Variants in NOX4 observed in about 807,000 individuals in gnomAD.
NOX4 encodes NADPH oxidase 4.
Under a neutral mutation model 87.6 loss-of-function variants are expected in NOX4, and 69 were observed. That is an observed-to-expected ratio of 0.79 (90% CI 0.65 to 0.96). The LOEUF (loss-of-function observed/expected upper bound fraction) is 0.96, where lower values mean the gene tolerates loss of function less well. Ranked by LOEUF, NOX4 falls within the 40% of genes least tolerant of loss-of-function variation. NOX4 has a pLI of 0.00. For missense variants in NOX4, 680 were observed against 681.5 expected (o/e 1.00, Z 0.02); for synonymous variants, 275 against 238.2 (o/e 1.15, Z -1.42).
intron 13 of NOX4, among the ~76,000 whole-genome samples, chr11:89,347,350 C>T (rs540953044): frequency 6.6e-6 from 1 of 152,300 alleles, no homozygotes; most frequent in Admixed American, 6.5e-5. Context: ...AGCCTTTCCC[C>T]CTGCCCTGAG....
In NOX4 at chr11:89,451,895, G is replaced by A. The variant is rs764130443; in HGVS notation, c.154C>T (p.Leu52=). The A allele has an allele frequency of 1.2e-6, 2 of 1,607,208 alleles. No individual in the cohort carries two copies. The highest frequency in any genetic ancestry group is 1.7e-6 in the Non-Finnish European group (2 of 1,174,088). The change falls in exon 3 of 18, where the codon CTA becomes TTA. Residue 52 remains leucine, a splice_region_variant and synonymous_variant. Coordinates refer to ENST00000263317, the MANE Select transcript of NOX4 (RefSeq NM_016931.5). ...GAGGCTCTGCTTAGACACAATCCTAGCTGAACAAATAAGGCAAGGTCAGCA... is the reference window on the plus strand; with the variant it reads ...GAGGCTCTGCTTAGACACAATCCTAACTGAACAAATAAGGCAAGGTCAGCA... ...EYHYLHQMLG[L]GLCLSRASAS...
chr11:89,336,825 A>G (rs552941289), intron 16 of NOX4, among the ~76,000 whole-genome samples: 2 of 152,060 alleles, frequency 1.3e-5, no homozygotes, highest in Non-Finnish European at 2.9e-5. Flanking sequence ...AAACATTCAA[A>G]TGTTGTATTC....
At chr11:89,495,235 C>T (rs1225613403), upstream of NOX4, among the ~76,000 whole-genome samples, 1 of 152,160 alleles carries the variant, frequency 6.6e-6, no homozygotes, top group African/African-American at 2.4e-5. Context: ...ACTCAGCCTC[C>T]CAAAGTCCTG....
chr11:89,544,671 T>C, the NOX4 span, among the ~76,000 whole-genome samples: 1 of 152,152 alleles, frequency 6.6e-6, no homozygotes, highest in Non-Finnish European at 1.5e-5. Flanking sequence ...TTCTTCATCT[T>C]TACAACACGG....
the NOX4 span, among the ~76,000 whole-genome samples, chr11:89,585,035 C>A: frequency 6.6e-6 from 1 of 152,048 alleles, no homozygotes; most frequent in East Asian, 1.9e-4. Flanking sequence ...GGATCCCAAC[C>A]AGGGCCTCAC....
chr11:89,495,266 T>A (rs79314076), upstream of NOX4, among the ~76,000 whole-genome samples: 1,183 of 152,188 alleles, frequency 7.8e-3, 14 homozygotes, highest in African/African-American at 0.027. Flanking sequence ...CATGAGCCAC[T>A]GCAACTAATG....
the NOX4 span, among the ~76,000 whole-genome samples, chr11:89,562,130 C>G: frequency 6.6e-6 from 1 of 152,126 alleles, no homozygotes; most frequent in Non-Finnish European, 1.5e-5. Flanking sequence ...TAGTAAGCAC[C>G]TATATTCACT....
intron 11 of NOX4, among the ~76,000 whole-genome samples, chr11:89,377,214 C>G (rs1939911787): frequency 6.6e-6 from 1 of 152,122 alleles, no homozygotes; most frequent in African/African-American, 2.4e-5. Flanking sequence ...TCATTTCATA[C>G]ACATCTATGC....
At position 89,418,413 on chromosome 11, in the gene NOX4, G is replaced by A. The variant is rs1224877280; in HGVS notation, c.629+3489C>T. On this transcript the variant is annotated intron_variant, in intron 8 of 17. Coordinates refer to ENST00000263317, the MANE Select transcript of NOX4 (RefSeq NM_016931.5). Reference sequence around the variant, plus strand: ...TCTCACTGCTCCTATTCTCTCAGCTGAACATTGAGAATAATAATAATAATA... The same window carrying A: ...TCTCACTGCTCCTATTCTCTCAGCTAAACATTGAGAATAATAATAATAATA... 2.3e-5 allele frequency among the ~76,000 whole-genome samples: 3 copies of A among 130,258 alleles called. No individual in the cohort carries two copies. The Admixed American group carries it at 2.5e-4, about 11-fold the overall frequency. 85.5% of individuals were successfully genotyped at this position (130,258 alleles called of 152,430 possible).
chr11:89,481,447 A>C (rs1946388233), intron 2 of NOX4, among the ~76,000 whole-genome samples: 1 of 152,010 alleles, frequency 6.6e-6, no homozygotes, highest in Non-Finnish European at 1.5e-5. Context: ...CTTCCATCTA[A>C]ACTAAGAGTA....
intron 13 of NOX4, among the ~76,000 whole-genome samples, chr11:89,351,368 AG>A (rs1176849635): frequency 6.6e-6 from 1 of 152,212 alleles, no homozygotes; most frequent in Non-Finnish European, 1.5e-5. Context: ...TTCAAAGCAA[AG>A]CAGCAAGTGC....
the NOX4 span, among the ~76,000 whole-genome samples, chr11:89,512,094 T>C: frequency 4.6e-5 from 7 of 152,220 alleles, 1 homozygote; most frequent in African/African-American, 1.7e-4. Flanking sequence ...TTCCTCTTAA[T>C]GAAGCCAATA....
chr11:89,335,030 T>C (rs1945641260), intron 17 of NOX4, among the ~76,000 whole-genome samples: 1 of 151,782 alleles, frequency 6.6e-6, no homozygotes, highest in African/African-American at 2.4e-5. Flanking sequence ...CCAGTGGATA[T>C]GTTTAAAGAA....
At chr11:89,480,430 T>C (rs1455496263) in intron 2 of NOX4, among the ~76,000 whole-genome samples, 2 of 152,180 alleles carry the variant, frequency 1.3e-5, no homozygotes, top group Non-Finnish European at 2.9e-5. Flanking sequence ...TACTTTCTTA[T>C]GTATTAAGTC....
rs532962243 is a variant in NOX4, at chr11:89,483,416, C to CA, written c.153+7041dup. 1.7e-3 allele frequency among the ~76,000 whole-genome samples: 263 copies of CA among 151,884 alleles called. 2 individuals carry two copies. Among genetic ancestry groups the CA allele is most frequent in the African/African-American group, 6.2e-3 (255 of 41,448 alleles). ...CATAATAGGATACTACTCAGCTTTA[C>CA]AAAAAAGAAGGAAATCCTGCCATTT... On this transcript the variant is annotated intron_variant, in intron 2 of 17. Coordinates refer to ENST00000263317, the MANE Select transcript of NOX4 (RefSeq NM_016931.5).
intron 10 of NOX4, 48 bp from the exon 11 acceptor site, chr11:89,400,127 C>A (rs1347410212): frequency 1.3e-6 from 2 of 1,575,130 alleles, no homozygotes; most frequent in East Asian, 4.5e-5. Flanking sequence ...TTAAGAATTT[C>A]AACTATTTCA....
chr11:89,364,796 T>A (rs1359437038), intron 12 of NOX4, among the ~76,000 whole-genome samples: 1 of 152,080 alleles, frequency 6.6e-6, no homozygotes, highest in African/African-American at 2.4e-5. Flanking sequence ...TCTTTCAAAA[T>A]AATTATACCA....
At chr11:89,564,759 T>TTG in the NOX4 span, among the ~76,000 whole-genome samples, 98 of 151,942 alleles carry the variant, frequency 6.4e-4, no homozygotes, top group Non-Finnish European at 9.7e-4. Context: ...TTTTTGTTTT[T>TTG]TTTTTAATAG....
intron 17 of NOX4, among the ~76,000 whole-genome samples, chr11:89,327,591 G>A (rs1251679747): frequency 6.6e-6 from 1 of 151,964 alleles, no homozygotes; most frequent in African/African-American, 2.4e-5. Context: ...ATTTCAAATT[G>A]ACCTTCTTCC....
Sources: allele counts gnomAD v4.1 joint callset (sites outside exome capture counted in the v4.1 genomes callset), GRCh38; gene constraint gnomAD v4.1.1; transcripts MANE v1.5; gene names NCBI Gene and HGNC (gene_info 2026-07-23, HGNC 2026-07-21).